Variants in NPR3 observed in about 807,000 individuals in gnomAD.
NPR3 encodes the protein natriuretic peptide receptor 3, also known as atrial natriuretic peptide receptor 3.
A neutral mutation model predicts 54.5 loss-of-function variants in NPR3; 34 were observed. That is an observed-to-expected ratio of 0.62 (90% CI 0.47 to 0.83). The LOEUF is 0.83. NPR3 is among the 40% of genes least tolerant of loss of function. The pLI, the probability that NPR3 is intolerant of heterozygous loss-of-function variation, is 0.00. For missense variants in NPR3, 674 were observed against 720.8 expected, an observed-to-expected ratio of 0.94 and a Z score of 0.74; for synonymous variants, 289 against 297.1, an observed-to-expected ratio of 0.97 and a Z score of 0.28.
At chr5:32,766,937 A>G (rs1379009672) in intron 3 of NPR3, among the ~76,000 whole-genome samples, 1 of 152,210 alleles carries the variant, frequency 6.6e-6, no homozygotes, top group Non-Finnish European at 1.5e-5. Flanking sequence ...GAGATGAGGG[A>G]CAATTAGCTT....
intron 3 of NPR3, 24 bp downstream of exon 3, chr5:32,739,054 G>A: frequency 6.2e-7 from 1 of 1,607,726 alleles, no homozygotes; most frequent in Non-Finnish European, 8.5e-7. Flanking sequence ...TATGAGCCTA[G>A]ACCTTTAGCA....
intron 3 of NPR3, among the ~76,000 whole-genome samples, chr5:32,753,299 A>G (rs1018210692): frequency 6.6e-6 from 1 of 151,660 alleles, no homozygotes; most frequent in Non-Finnish European, 1.5e-5. Context: ...AATATGTTTT[A>G]TAATTGAAAT....
At chr5:32,733,276 G>T (rs1348375826) in intron 2 of NPR3, among the ~76,000 whole-genome samples, 1 of 152,076 alleles carries the variant, frequency 6.6e-6, no homozygotes, top group Non-Finnish European at 1.5e-5. Context: ...TCTCAGATTT[G>T]CCCAAATTAT....
In NPR3 at chr5:32,789,328, C is replaced by G; in HGVS notation, c.*2983C>G. On this transcript the variant is annotated 3_prime_UTR_variant, in exon 8 of 8. Coordinates refer to ENST00000265074, the MANE Select transcript of NPR3 (RefSeq NM_001204375.2). ...GGGGAGACTCAGAAATAAAAGCGTT[C>G]CCCAGATAACTTCAATCTGGAAAGA... 4.6e-6 allele frequency: 2 copies of G among 438,222 alleles called. No individual in the cohort carries two copies. The highest frequency in any genetic ancestry group is 4.6e-6 in the Non-Finnish European group (1 of 218,318). 27.1% of individuals were successfully genotyped at this position (438,222 alleles called of 1,614,324 possible).
intron 3 of NPR3, among the ~76,000 whole-genome samples, chr5:32,746,301 G>A (rs772812257): frequency 6.6e-6 from 1 of 152,180 alleles, no homozygotes; most frequent in Non-Finnish European, 1.5e-5. Flanking sequence ...TTGTGTGTAA[G>A]TGCACGTGTG....
intron 1 of NPR3, among the ~76,000 whole-genome samples, chr5:32,693,041 G>C (rs1405097310): frequency 6.6e-6 from 1 of 152,094 alleles, no homozygotes; most frequent in Non-Finnish European, 1.5e-5. Flanking sequence ...AGAATCCCTT[G>C]ATCCTGGGAG....
At chr5:32,708,318 T>C (rs559960474), upstream of NPR3, among the ~76,000 whole-genome samples, 2 of 152,256 alleles carry the variant, frequency 1.3e-5, no homozygotes, top group South Asian at 4.1e-4. Context: ...AAAAATTGAG[T>C]CAAATAAATA....
intron 4 of NPR3, among the ~76,000 whole-genome samples, chr5:32,775,051 G>C (rs1189099514): frequency 6.6e-6 from 1 of 152,150 alleles, no homozygotes; most frequent in Non-Finnish European, 1.5e-5. Context: ...AAGAGGAAAG[G>C]CCTTGTCTCC....
intron 2 of NPR3, among the ~76,000 whole-genome samples, 194 bp from the exon 3 acceptor site, chr5:32,738,670 C>G (rs1739878987): frequency 6.6e-6 from 1 of 152,182 alleles, no homozygotes; most frequent in South Asian, 2.1e-4. Flanking sequence ...TTCAAAGGAA[C>G]ACATGTCCAA....
intron 1 of NPR3, among the ~76,000 whole-genome samples, chr5:32,717,303 C>G (rs1738610109): frequency 2.0e-5 from 3 of 152,088 alleles, no homozygotes; most frequent in Admixed American, 2.0e-4. Flanking sequence ...AATAGTGCCG[C>G]AATAAATATA....
chr5:32,718,801 C>T (rs879385108), intron 1 of NPR3, among the ~76,000 whole-genome samples: 1 of 152,178 alleles, frequency 6.6e-6, no homozygotes, highest in Non-Finnish European at 1.5e-5. Context: ...CAAACAGGGA[C>T]AATTTGATTT....
Position 32,791,675 on chromosome 5 carries a change from CAG to C in NPR3, c.*5333_*5334del, listed in dbSNP as rs1742919170. 6.0e-6 allele frequency: 1 copy of C among 166,658 alleles called. No individual in the cohort carries two copies. The highest frequency in any genetic ancestry group is 1.5e-5 in the Non-Finnish European group (1 of 68,116). The allele number at this position is 166,658 out of a possible 1,614,324, so 10.3% of individuals were successfully genotyped here. On this transcript the variant is annotated 3_prime_UTR_variant, in exon 8 of 8. Coordinates refer to ENST00000265074, the MANE Select transcript of NPR3 (RefSeq NM_001204375.2). Reference sequence around the variant, plus strand: ...CTATCAAGCAAGAATGCCACGTACTCAGAGTATAACAATGTGTTCTCATTAAA... The same window carrying C: ...CTATCAAGCAAGAATGCCACGTACTCAGTATAACAATGTGTTCTCATTAAA...
At chr5:32,732,832 C>CTATTT (rs1175938898) in intron 2 of NPR3, among the ~76,000 whole-genome samples, 7 of 151,936 alleles carry the variant, frequency 4.6e-5, no homozygotes, top group African/African-American at 9.7e-5. Context: ...TTATTTATTA[C>CTATTT]TATTTTATTT....
chr5:32,734,211 A>G (rs994211087), intron 2 of NPR3, among the ~76,000 whole-genome samples: 6 of 152,204 alleles, frequency 3.9e-5, no homozygotes, highest in African/African-American at 1.4e-4. Flanking sequence ...GGGTAAGCCA[A>G]GGAAGGCAGA....
chr5:32,720,272 T>G (rs1387339111), intron 1 of NPR3, among the ~76,000 whole-genome samples: 9 of 152,176 alleles, frequency 5.9e-5, no homozygotes, highest in Non-Finnish European at 1.2e-4. Flanking sequence ...ATTTCACTTC[T>G]TTTCCTCTTG....
At chr5:32,755,128 G>C (rs919953746) in intron 3 of NPR3, among the ~76,000 whole-genome samples, 1 of 152,224 alleles carries the variant, frequency 6.6e-6, no homozygotes, top group Non-Finnish European at 1.5e-5. Context: ...CCAAAGTGCC[G>C]GGATTACAGG....
intron 2 of NPR3, among the ~76,000 whole-genome samples, chr5:32,732,987 G>C (rs554822281): frequency 1.3e-5 from 2 of 152,060 alleles, no homozygotes; most frequent in African/African-American, 4.8e-5. Context: ...TGGGATTACA[G>C]GCATGTGCCA....
intron 1 of NPR3, among the ~76,000 whole-genome samples, chr5:32,697,595 A>T (rs2111811533): frequency 6.6e-6 from 1 of 152,144 alleles, no homozygotes; most frequent in Non-Finnish European, 1.5e-5. Flanking sequence ...GTTTGGTAAA[A>T]TCCAGCAGTG....
chr5:32,791,681 A>T lies in NPR3; in HGVS notation c.*5336A>T, dbSNP rs1045808896. On this transcript the variant is annotated 3_prime_UTR_variant, in exon 8 of 8. Transcript: ENST00000265074. Reference sequence around the variant, plus strand: ...AGCAAGAATGCCACGTACTCAGAGTATAACAATGTGTTCTCATTAAAAAAT... The same window carrying T: ...AGCAAGAATGCCACGTACTCAGAGTTTAACAATGTGTTCTCATTAAAAAAT... The T allele has an allele frequency of 6.0e-6, 1 of 166,690 alleles. No homozygotes were observed. The highest frequency in any genetic ancestry group is 2.4e-5 in the African/African-American group (1 of 41,472). The allele number at this position is 166,690 out of a possible 1,614,324, so 10.3% of individuals were successfully genotyped here.
Sources: gnomAD v4.1 joint callset for allele counts (sites outside exome capture counted in the v4.1 genomes callset) on GRCh38, gnomAD v4.1.1 for gene constraint, MANE v1.5 for transcripts, NCBI Gene and HGNC (gene_info 2026-07-23, HGNC 2026-07-21) for gene names.